The following PLB1 variants were observed in gnomAD, a reference collection of about 807,000 sequenced individuals.
The protein encoded by PLB1 is phospholipase B1, membrane-associated.
Under a neutral mutation model 227.4 loss-of-function variants are expected in PLB1, and 242 were observed. The ratio of observed to expected loss-of-function variants is 1.06; its 90% confidence interval spans 0.96 to 1.18. The LOEUF is 1.18. PLB1 is among the 50% of genes most tolerant of loss of function. The pLI, the probability that PLB1 is intolerant of heterozygous loss-of-function variation, is 0.00. For synonymous variants in PLB1, 757 were observed against 682.2 expected (o/e 1.11, Z -1.71); for missense variants, 1,858 against 1,816.3 (o/e 1.02, Z -0.42).
At position 28,620,656 on chromosome 2, in the gene PLB1, C is replaced by A; in HGVS notation, c.3427+13C>A. Reference sequence around the variant, plus strand: ...ACCACACTGCCCAGTAAGTAGCAGCCCAGAGAGGCACCATCACTGTGGCCG... The same window carrying A: ...ACCACACTGCCCAGTAAGTAGCAGCACAGAGAGGCACCATCACTGTGGCCG... On this transcript the variant is annotated intron_variant, in intron 48 of 57. Transcript: ENST00000327757. 2 of 1,613,854 alleles carry A rather than the reference C, an allele frequency of 1.2e-6. No individual in the cohort carries two copies. Among genetic ancestry groups the A allele is most frequent in the African/African-American group, 2.7e-5 (2 of 74,986 alleles).
Position 28,514,352 on chromosome 2 carries a change from A to G in PLB1, c.56-2456A>G, listed in dbSNP as rs79902320. On this transcript the variant is annotated intron_variant, in intron 1 of 57. Transcript: ENST00000327757. Reference sequence around the variant, plus strand: ...TCTTGATCACAGTAGCTTTATCTTCAATCCTGGAGTCAGATAGTATCAGTC... The same window carrying G: ...TCTTGATCACAGTAGCTTTATCTTCGATCCTGGAGTCAGATAGTATCAGTC... Among the ~76,000 whole-genome samples, 1,231 of 152,222 alleles carry G rather than the reference A, an allele frequency of 8.1e-3. 16 individuals carry two copies. Among genetic ancestry groups the G allele is most frequent in the Admixed American group, 0.014 (210 of 15,286 alleles).
At chr2:28,583,863 T>C (rs77810543) in intron 25 of PLB1, among the ~76,000 whole-genome samples, 1 of 147,962 alleles carries the variant, frequency 6.8e-6, no homozygotes, top group Admixed American at 6.8e-5. Context: ...AAAAAAAAAA[T>C]CTGAAATCTG....
chr2:28,539,315 G>A (rs1326784869), intron 11 of PLB1, 137 bp downstream of exon 11: 6 of 775,118 alleles, frequency 7.7e-6, no homozygotes, highest in East Asian at 2.7e-5. Flanking sequence ...AAACACATGC[G>A]AGCTCACACC....
In PLB1 at chr2:28,592,715, T is replaced by C. The variant is rs1682178047; in HGVS notation, c.2243T>C (p.Leu748Pro). 2 of 1,614,074 alleles carry C rather than the reference T, an allele frequency of 1.2e-6. No homozygotes were observed. The highest frequency in any genetic ancestry group is 1.7e-6 in the Non-Finnish European group (2 of 1,179,960). The change falls in exon 32 of 58, where the codon CTG (leucine) becomes CCG (proline). Residue 748 changes from leucine to proline, a missense_variant. Transcript: ENST00000327757. ...IQVVAALGDSLTAGNGIGSKP... is the reference protein window; with the variant it reads ...IQVVAALGDSPTAGNGIGSKP... Reference sequence around the variant, plus strand: ...GTTGTGGCTGCTCTGGGGGATTCTCTGACCGTAAGGACTCTTGGGCCCCAG... The same window carrying C: ...GTTGTGGCTGCTCTGGGGGATTCTCCGACCGTAAGGACTCTTGGGCCCCAG...
intron 41 of PLB1, 112 bp from the exon 42 acceptor site, chr2:28,605,741 G>C (rs1573379418): frequency 2.6e-6 from 2 of 768,178 alleles, no homozygotes; most frequent in East Asian, 4.9e-5. Flanking sequence ...TGGTGACCTG[G>C]AGCACTCCAG....
chr2:28,517,828 T>A (rs1333585295), intron 2 of PLB1, among the ~76,000 whole-genome samples: 4 of 152,026 alleles, frequency 2.6e-5, no homozygotes, highest in African/African-American at 9.7e-5. Flanking sequence ...GTACTTTACA[T>A]TACTGTGCAA....
chr2:28,567,481 T>C (rs1677186619), intron 20 of PLB1, among the ~76,000 whole-genome samples: 1 of 143,878 alleles, frequency 7.0e-6, no homozygotes, highest in Non-Finnish European at 1.5e-5. Context: ...TTTTTTTTTT[T>C]TTTTTTTTTG....
chr2:28,555,085 T>C (rs1674846443), intron 17 of PLB1, among the ~76,000 whole-genome samples: 2 of 150,938 alleles, frequency 1.3e-5, no homozygotes, highest in Admixed American at 1.3e-4. Context: ...TTCAGAAAAA[T>C]GGTCACAGTT....
chr2:28,514,247 CTCT>C (rs1668584584), intron 1 of PLB1, among the ~76,000 whole-genome samples: 1 of 152,150 alleles, frequency 6.6e-6, no homozygotes, highest in Non-Finnish European at 1.5e-5. Flanking sequence ...GATCTGTTGA[CTCT>C]ATTTAAGTGG....
In PLB1 at chr2:28,563,765, A is replaced by G. The variant is rs13392264; in HGVS notation, c.1206+666A>G. On this transcript the variant is annotated intron_variant, in intron 18 of 57. Transcript: ENST00000327757. ...GGTTCCTAGACACAGCTTCCATTCA[A>G]CAGCCTCTCATCAGAGTCCAGCTGC... is the stretch of plus-strand genomic sequence containing the variant. Among the ~76,000 whole-genome samples, 1,245 of 152,212 alleles carry G rather than the reference A, an allele frequency of 8.2e-3. 17 individuals carry two copies. The highest frequency in any genetic ancestry group is 0.028 in the African/African-American group (1,163 of 41,530).
chr2:28,555,703 A>T (rs1357406049), intron 17 of PLB1, among the ~76,000 whole-genome samples: 1 of 152,172 alleles, frequency 6.6e-6, no homozygotes, highest in African/African-American at 2.4e-5. Flanking sequence ...TTGCTGAACT[A>T]ATCTGAATGA....
intron 8 of PLB1, among the ~76,000 whole-genome samples, chr2:28,530,691 C>A (rs1670897951): frequency 6.6e-6 from 1 of 152,218 alleles, no homozygotes; most frequent in Non-Finnish European, 1.5e-5. Flanking sequence ...GCAAGCCTTG[C>A]TAGCAAACTG....
At chr2:28,608,428 G>A (rs886479500) in intron 43 of PLB1, among the ~76,000 whole-genome samples, 1 of 152,168 alleles carries the variant, frequency 6.6e-6, no homozygotes, top group Non-Finnish European at 1.5e-5. Context: ...AGTGGGGGGC[G>A]GGAGGCAGGA....
In PLB1 at chr2:28,604,693, C is replaced by A; in HGVS notation, c.2895C>A (p.Asp965Glu). The stretch of plus-strand genomic sequence containing the variant: ...AGCTGGTGGGGTCAGGCCGCTATGA[C>A]ACGCAGGAGGACTTCTCTGTGGTGC... ...MRELVGSGRY[D>E]TQEDFSVVLQ... The change falls in exon 41 of 58, where the codon GAC (aspartate) becomes GAA (glutamate). Residue 965 changes from aspartate (D) to glutamate (E), a missense_variant. Asp to Glu is a conservative substitution (Grantham distance 45, BLOSUM62 2). Coordinates refer to ENST00000327757, the MANE Select transcript of PLB1 (RefSeq NM_153021.5). 1.2e-6 allele frequency: 2 copies of A among 1,614,186 alleles called. No homozygotes were observed. The highest frequency in any genetic ancestry group is 2.2e-5 in the South Asian group (2 of 91,076).
intron 39 of PLB1, among the ~76,000 whole-genome samples, chr2:28,603,391 TTTA>T (rs1684200582): frequency 1.3e-5 from 2 of 152,192 alleles, no homozygotes; most frequent in Non-Finnish European, 2.9e-5. Flanking sequence ...GGATGTGTGT[TTTA>T]TTATTCTTTA....
rs917003037 is a variant in PLB1, at chr2:28,601,154, G to A, written c.2527-98G>A. 1.3e-5 allele frequency: 13 copies of A among 1,015,200 alleles called. No individual in the cohort carries two copies. In the African/African-American group the frequency reaches 1.7e-4, roughly 14 times the overall value. 62.9% of individuals were successfully genotyped at this position (1,015,200 alleles called of 1,614,324 possible). ...AGATGCTGATTCCATTATTTCAAGT[G>A]GGCAAGGATGTTATAGAGGGTTGAA... On this transcript the variant is annotated intron_variant, in intron 36 of 57. Coordinates refer to ENST00000327757, the MANE Select transcript of PLB1 (RefSeq NM_153021.5).
intron 1 of PLB1, among the ~76,000 whole-genome samples, chr2:28,504,568 C>T (rs1048453805): frequency 6.6e-6 from 1 of 152,002 alleles, no homozygotes; most frequent in Non-Finnish European, 1.5e-5. Context: ...CATGGTGAAA[C>T]CCCATCTCTA....
intron 18 of PLB1, among the ~76,000 whole-genome samples, 194 bp from the exon 19 acceptor site, chr2:28,565,086 A>T (rs1298359021): frequency 6.6e-6 from 1 of 152,194 alleles, no homozygotes; most frequent in Admixed American, 6.5e-5. Flanking sequence ...AGCACCAGGC[A>T]TTCCCAGTGG....
intron 4 of PLB1, among the ~76,000 whole-genome samples, chr2:28,523,410 C>T (rs1167110292): frequency 7.1e-6 from 1 of 140,832 alleles, no homozygotes; most frequent in Non-Finnish European, 1.5e-5. Flanking sequence ...ACAATTCACT[C>T]TATCAAATTC....
Sources: allele counts gnomAD v4.1 joint callset (sites outside exome capture counted in the v4.1 genomes callset), GRCh38; gene constraint gnomAD v4.1.1; transcripts MANE v1.5; gene names NCBI Gene and HGNC (gene_info 2026-07-23, HGNC 2026-07-21).